The following SPATA6L variants were observed in gnomAD, a reference collection of about 807,000 sequenced individuals.
SPATA6L encodes the protein spermatogenesis associated 6-like protein.
In SPATA6L, 68 loss-of-function variants were observed where a neutral mutation model predicts 49.2. The ratio of observed to expected loss-of-function variants is 1.38; its 90% confidence interval spans 1.14 to 1.69. SPATA6L has a LOEUF of 1.69. Among genes scored for constraint, SPATA6L ranks in the 40% most tolerant of loss-of-function variants. The probability of loss-of-function intolerance (pLI) is 0.00; values close to 1 mark genes in which losing one functional copy is unlikely to be tolerated. For synonymous variants in SPATA6L, 198 were observed against 165.7 expected, an observed-to-expected ratio of 1.19 and a Z score of -1.50; for missense variants, 668 against 464.3, an observed-to-expected ratio of 1.44 and a Z score of -4.03.
intron 4 of SPATA6L, among the ~76,000 whole-genome samples, chr9:4,631,692 T>C (rs1831587677): frequency 6.6e-6 from 1 of 152,206 alleles, no homozygotes; most frequent in South Asian, 2.1e-4. Context: ...AAGTGAATGA[T>C]TTGTCTCACA....
At chr9:4,654,982 G>GGTATCATTTAAAGA (rs1837785558) in intron 3 of SPATA6L, among the ~76,000 whole-genome samples, 1 of 152,004 alleles carries the variant, frequency 6.6e-6, no homozygotes, top group African/African-American at 2.4e-5. Flanking sequence ...TCATTTAAAG[G>GGTATCATTTAAAGA]TACCACTCTC....
rs1587560738 is a variant in SPATA6L, at chr9:4,662,212, A to C, written c.40-176T>G. On this transcript the variant is annotated intron_variant, in intron 1 of 11. Coordinates refer to ENST00000682582, the MANE Select transcript of SPATA6L (RefSeq NM_001353486.2). The surrounding 1 kb of genome is among the most constrained non-coding windows in gnomAD (Gnocchi z 4.9). ...CTCCCCTCTGCTCTCCTCACATTGG[A>C]AATTCCAACTCCCTCCCACGTCTCC... 2 of 1,435,182 alleles carry C rather than the reference A, an allele frequency of 1.4e-6. No individual in the cohort carries two copies. The highest frequency in any genetic ancestry group is 5.0e-5 in the East Asian group (2 of 39,836). 88.9% of individuals were successfully genotyped at this position (1,435,182 alleles called of 1,614,324 possible). A position where few individuals can be genotyped will look rare whatever the true frequency, so the allele number is the denominator to read the frequency against.
At chr9:4,648,445 A>G (rs1432769258) in intron 3 of SPATA6L, among the ~76,000 whole-genome samples, 2 of 152,092 alleles carry the variant, frequency 1.3e-5, no homozygotes, top group Non-Finnish European at 2.9e-5. Flanking sequence ...CACGCCTGTA[A>G]TCCCAGCACT....
At chr9:4,593,614 G>A (rs529179155), downstream of SPATA6L, among the ~76,000 whole-genome samples, 227 of 152,102 alleles carry the variant, frequency 1.5e-3, no homozygotes, top group Non-Finnish European at 2.6e-3. Context: ...CCCTACAGTC[G>A]GGCTTCCACA....
intron 2 of SPATA6L, among the ~76,000 whole-genome samples, chr9:4,661,032 G>A (rs965745535): frequency 2.0e-5 from 3 of 152,102 alleles, no homozygotes; most frequent in East Asian, 3.9e-4. Flanking sequence ...GGCCTGTCGT[G>A]GGGTGGGGGG....
chr9:4,625,628 A>G (rs1434482567), intron 5 of SPATA6L, 62 bp from the exon 6 acceptor site: 3 of 1,171,002 alleles, frequency 2.6e-6, no homozygotes, highest in Admixed American at 5.6e-5. Context: ...AAATTCAATC[A>G]GAATATAACT....
Position 4,619,842 on chromosome 9 carries a change from G to A in SPATA6L, c.773-944C>T, listed in dbSNP as rs1224436033. Reference sequence around the variant, plus strand: ...AGTATGGCAAGGATGACTAGGAAATGAGGTAATAAAGACACAGAGAGAAAG... The same window carrying A: ...AGTATGGCAAGGATGACTAGGAAATAAGGTAATAAAGACACAGAGAGAAAG... On this transcript the variant is annotated intron_variant, in intron 7 of 11. Transcript: ENST00000682582. Among the ~76,000 whole-genome samples, 7 of 152,136 alleles carry A rather than the reference G, an allele frequency of 4.6e-5. 1 individual carries two copies. The highest frequency in any genetic ancestry group is 2.6e-4 in the Admixed American group (4 of 15,274).
Position 4,625,565 on chromosome 9 carries a change from TC to T in SPATA6L, c.430del (p.Glu144LysfsTer20). The stretch of plus-strand genomic sequence containing the variant: ...AGGCCTCCGTGACTCATGTCTTTCT[TC>T]CTGAAATAAACAAAAAAAGAATATT... ...CVFLHRNRFL[E>X]ERHESRRPLS... On this transcript the variant is annotated frameshift_variant and splice_region_variant, in exon 6 of 12. Coordinates refer to ENST00000682582, the MANE Select transcript of SPATA6L (RefSeq NM_001353486.2). LOFTEE classifies it high-confidence loss of function. The T allele has an allele frequency of 6.7e-7, 1 of 1,503,400 alleles. No homozygotes were observed. Among genetic ancestry groups the T allele is most frequent in the South Asian group, 1.4e-5 (1 of 72,780 alleles). The allele number at this position is 1,503,400 out of a possible 1,614,324, so 93.1% of individuals were successfully genotyped here.
At chr9:4,656,506 G>GGA (rs1838261457) in intron 2 of SPATA6L, among the ~76,000 whole-genome samples, 2 of 123,626 alleles carry the variant, frequency 1.6e-5, no homozygotes, top group African/African-American at 8.3e-5. Context: ...GGAAGGAAGG[G>GGA]AGGAGCCGTA....
At chr9:4,634,536 CAACAAAGTAGA>C (rs1315544816) in intron 4 of SPATA6L, among the ~76,000 whole-genome samples, 1 of 152,132 alleles carries the variant, frequency 6.6e-6, no homozygotes, top group East Asian at 1.9e-4. Context: ...ACAGTACTCT[CAACAAAGTAGA>C]AACAATAACA....
intron 5 of SPATA6L, chr9:4,628,003 A>G: frequency 2.7e-6 from 1 of 363,864 alleles, no homozygotes. Context: ...CAGGCACAGA[A>G]AGACAAACTT....
chr9:4,661,661 G>C (rs1195537123), intron 2 of SPATA6L, among the ~76,000 whole-genome samples: 1 of 151,822 alleles, frequency 6.6e-6, no homozygotes, highest in Admixed American at 6.6e-5. Flanking sequence ...AAATGCCATG[G>C]GAGTTCCAAG....
chr9:4,659,550 G>C (rs6476889), intron 2 of SPATA6L, among the ~76,000 whole-genome samples: 92,091 of 151,638 alleles, frequency 0.61, 29,323 homozygotes, highest in African/African-American at 0.81. Context: ...AACGGAAGAA[G>C]ATTCCATGCT....
downstream of SPATA6L, among the ~76,000 whole-genome samples, chr9:4,593,359 GC>G (rs563895788): frequency 3.7e-4 from 57 of 152,058 alleles, no homozygotes; most frequent in East Asian, 0.01. Flanking sequence ...TCATCTAGCT[GC>G]CCAGCCTCAC....
At chr9:4,653,695 C>T (rs1449862326) in intron 3 of SPATA6L, among the ~76,000 whole-genome samples, 3 of 152,072 alleles carry the variant, frequency 2.0e-5, no homozygotes, top group Admixed American at 1.3e-4. Flanking sequence ...TTTGGGAAGC[C>T]CAGGAGAGAG....
chr9:4,654,946 C>T (rs1248487200), intron 3 of SPATA6L, among the ~76,000 whole-genome samples: 2 of 152,126 alleles, frequency 1.3e-5, no homozygotes, highest in South Asian at 2.1e-4. Context: ...CTTCCTGTAC[C>T]GAGCACTTCC....
chr9:4,626,015 C>G (rs1411494272), intron 5 of SPATA6L: 1 of 156,580 alleles, frequency 6.4e-6, no homozygotes, highest in Non-Finnish European at 1.4e-5. Flanking sequence ...CGCTCAGTTG[C>G]AAATCCACCT....
At position 4,625,579 on chromosome 9, in the gene SPATA6L, A is replaced by C; in HGVS notation, c.430-13T>G. 1 of 1,472,644 alleles carries C rather than the reference A, an allele frequency of 6.8e-7. No homozygotes were observed. Among genetic ancestry groups the C allele is most frequent in the Non-Finnish European group, 9.1e-7 (1 of 1,099,622 alleles). The allele number at this position is 1,472,644 out of a possible 1,614,324, so 91.2% of individuals were successfully genotyped here. On this transcript the variant is annotated splice_polypyrimidine_tract_variant and intron_variant, in intron 5 of 11. Coordinates refer to ENST00000682582, the MANE Select transcript of SPATA6L (RefSeq NM_001353486.2). ...CATGTCTTTCTTCCTGAAATAAACA[A>C]AAAAAGAATATTTTTTAAAATAAAG... is the stretch of plus-strand genomic sequence containing the variant.
intron 7 of SPATA6L, among the ~76,000 whole-genome samples, chr9:4,622,143 G>T (rs539495369): frequency 6.6e-6 from 1 of 152,190 alleles, no homozygotes; most frequent in Non-Finnish European, 1.5e-5. Flanking sequence ...CCCCGGAACA[G>T]CCAGGGGACA....
Sources: gnomAD v4.1 joint callset for allele counts (sites outside exome capture counted in the v4.1 genomes callset) on GRCh38, gnomAD v4.1.1 for gene constraint, Gnocchi (gnomAD v3.1) non-coding constraint, MANE v1.5 for transcripts, NCBI Gene and HGNC (gene_info 2026-07-23, HGNC 2026-07-21) for gene names.